Variants in COMMD1 observed in about 807,000 individuals in gnomAD.
COMMD1 encodes the protein COMM domain-containing protein 1.
A neutral mutation model predicts 17.2 loss-of-function variants in COMMD1; 10 were observed. That is an observed-to-expected ratio of 0.58 (90% CI 0.36 to 0.99). The LOEUF (loss-of-function observed/expected upper bound fraction) is 0.99. Among genes scored for constraint, COMMD1 ranks in the 50% least tolerant of loss-of-function variants. COMMD1 has a pLI of 0.01. For synonymous variants in COMMD1, 97 were observed against 91.6 expected, an observed-to-expected ratio of 1.06 and a Z score of -0.34; for missense variants, 270 against 231.8, an observed-to-expected ratio of 1.17 and a Z score of -1.07.
Position 62,006,011 on chromosome 2 carries a change from A to G in COMMD1, c.462+5029A>G, listed in dbSNP as rs529616576. On this transcript the variant is annotated intron_variant, in intron 2 of 2. Coordinates refer to ENST00000311832, the MANE Select transcript of COMMD1 (RefSeq NM_152516.4). ...ACATACACACCACGGAATACTATGC[A>G]GCCATAAAAAATGATGAGTTCATGT... Among the ~76,000 whole-genome samples the G allele has an allele frequency of 2.3e-3, 349 of 152,176 alleles. 2 individuals are homozygous for G. The highest frequency in any genetic ancestry group is 7.6e-3 in the African/African-American group (316 of 41,508).
chr2:62,048,782 C>T (rs1335719908), intron 2 of COMMD1, among the ~76,000 whole-genome samples: 1 of 151,660 alleles, frequency 6.6e-6, no homozygotes, highest in Non-Finnish European at 1.5e-5. Context: ...AACTACTTGT[C>T]TTGAGTATTT....
intron 2 of COMMD1, among the ~76,000 whole-genome samples, chr2:62,005,889 T>C (rs1405152476): frequency 6.6e-6 from 1 of 151,624 alleles, no homozygotes; most frequent in Non-Finnish European, 1.5e-5. Flanking sequence ...TAAAGACACA[T>C]GCACACGTAT....
intron 1 of COMMD1, among the ~76,000 whole-genome samples, chr2:61,910,224 A>T (rs530012973): frequency 1.3e-5 from 2 of 151,950 alleles, no homozygotes; most frequent in African/African-American, 4.8e-5. Context: ...TATATATAAA[A>T]TATATAAAAG....
intron 2 of COMMD1, among the ~76,000 whole-genome samples, chr2:62,027,378 G>A (rs1047015730): frequency 6.6e-5 from 10 of 152,100 alleles, no homozygotes; most frequent in Admixed American, 2.0e-4. Context: ...GTTTATTACA[G>A]CATAGGTAAT....
chr2:62,040,009 A>G (rs1237321853), intron 2 of COMMD1, among the ~76,000 whole-genome samples: 2 of 152,212 alleles, frequency 1.3e-5, no homozygotes, highest in African/African-American at 4.8e-5. Flanking sequence ...TAATCCCAGC[A>G]CTTTGGGAGG....
chr2:62,006,256 A>T (rs1669115833), intron 2 of COMMD1, among the ~76,000 whole-genome samples: 1 of 151,060 alleles, frequency 6.6e-6, no homozygotes, highest in Non-Finnish European at 1.5e-5. Flanking sequence ...AAATGACAAG[A>T]TAATGGGTGC....
At chr2:62,059,264 C>T (rs997846026) in intron 2 of COMMD1, among the ~76,000 whole-genome samples, 13 of 151,988 alleles carry the variant, frequency 8.6e-5, no homozygotes, top group Non-Finnish European at 7.4e-5. Context: ...AAGTGATCCT[C>T]CCACCTCAGC....
chr2:62,055,339 G>A (rs13020801), intron 2 of COMMD1: 37,536 of 434,554 alleles, frequency 0.086, 2,121 homozygotes, highest in Non-Finnish European at 0.12. Context: ...TTTGAAAAGG[G>A]GGAAAGACCC....
chr2:62,000,935 C>T lies in COMMD1; in HGVS notation c.415C>T (p.His139Tyr). The T allele has an allele frequency of 6.2e-7, 1 of 1,614,124 alleles. No homozygotes were observed. Among genetic ancestry groups the T allele is most frequent in the Non-Finnish European group, 8.5e-7 (1 of 1,180,028 alleles). Residue 139 changes from histidine to tyrosine, a missense_variant, in exon 2 of 3, where the codon CAC becomes TAC. Physicochemically the swap from His to Tyr is moderately conservative, Grantham distance 83 (BLOSUM62 2). Coordinates refer to ENST00000311832, the MANE Select transcript of COMMD1 (RefSeq NM_152516.4). ...TCAGTCAAGGCACTCAGCTCAAATA[C>T]ACACACCTGTTGCCATTATAGAGCT... ...KSQSRHSAQI[H>Y]TPVAIIELEL... is the part of the protein sequence containing the mutation.
At chr2:62,133,683 A>G (rs1174980499) in intron 2 of COMMD1, among the ~76,000 whole-genome samples, 1 of 152,192 alleles carries the variant, frequency 6.6e-6, no homozygotes, top group Non-Finnish European at 1.5e-5. Flanking sequence ...AAGGTGGTAA[A>G]TTATGGGAAT....
intron 1 of COMMD1, among the ~76,000 whole-genome samples, chr2:61,895,728 G>A (rs1442937451): frequency 2.0e-5 from 3 of 152,096 alleles, no homozygotes; most frequent in Non-Finnish European, 4.4e-5. Context: ...CTTAACTACC[G>A]TTAGGGCCAG....
chr2:61,894,816 A>G (rs949343779), intron 1 of COMMD1, among the ~76,000 whole-genome samples: 60 of 151,856 alleles, frequency 4.0e-4, no homozygotes, highest in Admixed American at 3.8e-3. Flanking sequence ...TCTCTGCCTC[A>G]GACTCCCAAG....
chr2:62,014,593 G>T (rs1185773844), intron 2 of COMMD1, among the ~76,000 whole-genome samples: 2 of 92,084 alleles, frequency 2.2e-5, no homozygotes, highest in African/African-American at 4.8e-5. Flanking sequence ...ACAGAGTCTT[G>T]CTCTGTCACC....
chr2:62,112,044 AG>A (rs763258308), intron 2 of COMMD1, among the ~76,000 whole-genome samples: 2 of 152,230 alleles, frequency 1.3e-5, no homozygotes, highest in African/African-American at 2.4e-5. Flanking sequence ...TGTTTGAACC[AG>A]TACATCAACA....
chr2:61,891,332 A>G (rs192975404), intron 1 of COMMD1, among the ~76,000 whole-genome samples: 2 of 152,320 alleles, frequency 1.3e-5, no homozygotes, highest in East Asian at 3.9e-4. Context: ...GTGAAATTGG[A>G]ATTATTTTTG....
intron 1 of COMMD1, among the ~76,000 whole-genome samples, chr2:61,927,159 GGA>G (rs1010469960): frequency 2.0e-5 from 3 of 152,140 alleles, no homozygotes; most frequent in African/African-American, 7.2e-5. Flanking sequence ...GCAGCGATGG[GGA>G]GATAGAACAA....
intron 1 of COMMD1, among the ~76,000 whole-genome samples, chr2:61,921,300 A>G (rs921229539): frequency 5.9e-5 from 9 of 152,132 alleles, no homozygotes; most frequent in Non-Finnish European, 1.0e-4. Context: ...TTCAATCATA[A>G]TACAATAGAA....
At chr2:62,018,841 A>G (rs1669526910) in intron 2 of COMMD1, among the ~76,000 whole-genome samples, 1 of 152,168 alleles carries the variant, frequency 6.6e-6, no homozygotes, top group South Asian at 2.1e-4. Context: ...AATTTCTCAT[A>G]GTTCTGTAGG....
intron 1 of COMMD1, among the ~76,000 whole-genome samples, chr2:61,923,646 A>C (rs1451157668): frequency 2.0e-5 from 3 of 152,152 alleles, no homozygotes; most frequent in African/African-American, 7.2e-5. Context: ...AAGATGATAA[A>C]GGGGACCTGA....
Sources: allele counts gnomAD v4.1 joint callset (sites outside exome capture counted in the v4.1 genomes callset), GRCh38; gene constraint gnomAD v4.1.1; transcripts MANE v1.5; gene names NCBI Gene and HGNC (gene_info 2026-07-23, HGNC 2026-07-21).